CELF2: variants seen among roughly 807,000 people sequenced by gnomAD.
CELF2 encodes CUG triplet repeat RNA-binding protein 2.
Under a neutral mutation model 62.6 loss-of-function variants are expected in CELF2, and 8 were observed. The ratio of observed to expected loss-of-function variants is 0.13; its 90% CI spans 0.07 to 0.23. The LOEUF (loss-of-function observed/expected upper bound fraction) is 0.23. Among genes scored for constraint, CELF2 ranks in the 10% least tolerant of loss-of-function variants. CELF2 has a pLI of 1.00. For synonymous variants in CELF2, 258 were observed against 250.0 expected, an observed-to-expected ratio of 1.03 and a Z score of -0.30; for missense variants, 333 against 671.0, an observed-to-expected ratio of 0.50 and a Z score of 5.56.
At chr10:10,546,049 A>G in the CELF2 span, among the ~76,000 whole-genome samples, 1 of 152,190 alleles carries the variant, frequency 6.6e-6, no homozygotes, top group Admixed American at 6.5e-5. Context: ...ATATAGGACG[A>G]CGCTGACAAC....
At chr10:11,261,541 C>T (rs1205817782) in intron 5 of CELF2, among the ~76,000 whole-genome samples, 1 of 152,050 alleles carries the variant, frequency 6.6e-6, no homozygotes, top group African/African-American at 2.4e-5. Flanking sequence ...GAAATTGTCA[C>T]GACTCTACGT....
chr10:10,589,444 T>G, the CELF2 span, among the ~76,000 whole-genome samples: 2 of 152,248 alleles, frequency 1.3e-5, no homozygotes, highest in Non-Finnish European at 2.9e-5. Context: ...TCAGCTAGTT[T>G]TTCAGGTTAA....
intron 2 of CELF2, among the ~76,000 whole-genome samples, chr10:10,933,014 G>C (rs540753903): frequency 6.6e-5 from 10 of 152,134 alleles, no homozygotes; most frequent in Non-Finnish European, 8.8e-5. Context: ...TTGACACAAG[G>C]CCGGGCACAG....
chr10:11,085,491 T>C (rs748120202), intron 1 of CELF2, among the ~76,000 whole-genome samples: 3 of 152,206 alleles, frequency 2.0e-5, no homozygotes, highest in African/African-American at 4.8e-5. Flanking sequence ...ATAACAATAA[T>C]AGCTAACATT....
the CELF2 span, among the ~76,000 whole-genome samples, chr10:10,479,306 C>G: frequency 6.6e-6 from 1 of 152,004 alleles, no homozygotes; most frequent in African/African-American, 2.4e-5. Flanking sequence ...GTAACTGGGA[C>G]TACAGCCATA....
chr10:10,834,384 A>G (rs557690177), intron 1 of CELF2, among the ~76,000 whole-genome samples: 202 of 152,236 alleles, frequency 1.3e-3, no homozygotes, highest in African/African-American at 4.6e-3. Flanking sequence ...CTGGATGATG[A>G]AATAATCTGT....
the CELF2 span, among the ~76,000 whole-genome samples, chr10:10,773,256 G>A: frequency 4.9e-4 from 74 of 152,238 alleles, no homozygotes; most frequent in Middle Eastern, 3.4e-3. Context: ...ATATGTGCCC[G>A]AGCATGACTG....
At chr10:11,136,223 A>C (rs953881266) in intron 1 of CELF2, among the ~76,000 whole-genome samples, 4 of 152,224 alleles carry the variant, frequency 2.6e-5, no homozygotes, top group Admixed American at 6.5e-5. Context: ...GAAAGGTACT[A>C]TGCTGACTAC....
rs2092401814 is a variant in CELF2 at position 11,290,739 on chromosome 10, G to C, written c.976+2187G>C. ...TTGACTGCTCTGTAAGAGGCTTCTTGCCCTTCAGAACACGCCGCTCGCTTA... is the reference window on the plus strand; with the variant it reads ...TTGACTGCTCTGTAAGAGGCTTCTTCCCCTTCAGAACACGCCGCTCGCTTA... On this transcript the variant is annotated intron_variant, in intron 9 of 12. Transcript: ENST00000633077. This position sits in a 1 kb window ranked among gnomAD's most constrained non-coding sequence, Gnocchi z 4.3. Among the ~76,000 whole-genome samples, 1 of 152,144 alleles carries C rather than the reference G, an allele frequency of 6.6e-6. No homozygotes were observed. The highest frequency in any genetic ancestry group is 2.1e-4 in the South Asian group (1 of 4,830).
chr10:10,659,497 T>C, the CELF2 span, among the ~76,000 whole-genome samples: 1 of 152,208 alleles, frequency 6.6e-6, no homozygotes, highest in African/African-American at 2.4e-5. Flanking sequence ...CCTCCTCATC[T>C]TCTTGCTTCA....
At chr10:10,679,589 C>T in the CELF2 span, among the ~76,000 whole-genome samples, 1 of 152,060 alleles carries the variant, frequency 6.6e-6, no homozygotes, top group African/African-American at 2.4e-5. Flanking sequence ...CATGCCTGGC[C>T]CTATGTTTTA....
intron 11 of CELF2, among the ~76,000 whole-genome samples, chr10:11,323,821 GAC>G (rs947406530): frequency 1.3e-5 from 2 of 152,280 alleles, no homozygotes; most frequent in South Asian, 2.1e-4. Context: ...GAAGAGAGAT[GAC>G]ACACAGGTAG....
chr10:11,130,534 T>C (rs1306865576), intron 1 of CELF2, among the ~76,000 whole-genome samples: 1 of 152,230 alleles, frequency 6.6e-6, no homozygotes, highest in African/African-American at 2.4e-5. Flanking sequence ...CTGAAGAGTA[T>C]TTGTGATGTG....
In CELF2 at chr10:11,226,016, G is replaced by C. The variant is rs78962781; in HGVS notation, c.354+8509G>C. ...AAGTCGTCATTTCTAGGACTGCCCA[G>C]TTGGGTTGGCCTCGTGGTGGTGGAT... is the stretch of plus-strand genomic sequence containing the variant. On this transcript the variant is annotated intron_variant, in intron 3 of 12. Coordinates refer to ENST00000633077, the MANE Select transcript of CELF2 (RefSeq NM_001326342.2). 2.9e-3 allele frequency among the ~76,000 whole-genome samples: 436 copies of C among 152,324 alleles called. 5 individuals are homozygous for C. Among genetic ancestry groups the C allele is most frequent in the African/African-American group, 0.01 (427 of 41,582 alleles).
upstream of CELF2, among the ~76,000 whole-genome samples, chr10:11,004,489 C>A (rs934360960): frequency 9.9e-5 from 15 of 151,678 alleles, no homozygotes; most frequent in African/African-American, 3.4e-4. This position sits in a 1 kb window ranked among gnomAD's most constrained non-coding sequence, Gnocchi z 5.0. Flanking sequence ...TTTCTAATTC[C>A]AATAAACAGA....
the CELF2 span, among the ~76,000 whole-genome samples, chr10:10,562,570 C>T: frequency 6.6e-6 from 1 of 152,118 alleles, no homozygotes; most frequent in Non-Finnish European, 1.5e-5. Flanking sequence ...GGCTCCGGAG[C>T]GTTCATGCTG....
chr10:11,192,238 G>A (rs962453847), intron 2 of CELF2, among the ~76,000 whole-genome samples: 9 of 152,212 alleles, frequency 5.9e-5, no homozygotes, highest in South Asian at 2.1e-4. Context: ...GAGGAAACTC[G>A]GCCTCCCGAG....
rs188786066 is a variant in CELF2, at chr10:11,182,384, G to T, written c.271+16702G>T. Among the ~76,000 whole-genome samples the T allele has an allele frequency of 3.3e-5, 5 of 152,072 alleles. No individual in the cohort carries two copies. In the South Asian group the frequency reaches 1.0e-3, roughly 32 times the overall value. On this transcript the variant is annotated intron_variant, in intron 2 of 12. Coordinates refer to ENST00000633077, the MANE Select transcript of CELF2 (RefSeq NM_001326342.2). Reference sequence around the variant, plus strand: ...TTATTCACTTAGTGCCAAGACATACGACCCTTTTATGAGGCTATGAAAACT... The same window carrying T: ...TTATTCACTTAGTGCCAAGACATACTACCCTTTTATGAGGCTATGAAAACT...
the CELF2 span, among the ~76,000 whole-genome samples, chr10:10,674,426 T>C: frequency 1.4e-3 from 211 of 152,342 alleles, no homozygotes; most frequent in Non-Finnish European, 2.2e-3. Flanking sequence ...TAAAGTGAGA[T>C]TCTTGTAGAA....
Sources: gnomAD v4.1 joint callset for allele counts (sites outside exome capture counted in the v4.1 genomes callset) on GRCh38, gnomAD v4.1.1 for gene constraint, Gnocchi (gnomAD v3.1) non-coding constraint, MANE v1.5 for transcripts, NCBI Gene and HGNC (gene_info 2026-07-23, HGNC 2026-07-21) for gene names.